The following HMG20A variants were observed in gnomAD, a reference collection of about 807,000 sequenced individuals.
The protein encoded by HMG20A is high mobility group protein 20A.
Under a neutral mutation model 43.9 loss-of-function variants are expected in HMG20A, and 17 were observed. The observed-to-expected ratio is 0.39, with a 90% CI of 0.27 to 0.58. HMG20A has a LOEUF of 0.58. Ranked by LOEUF, HMG20A falls within the 20% of genes least tolerant of loss-of-function variation. The pLI is 0.59. For missense variants in HMG20A, 341 were observed against 438.2 expected (o/e 0.78, Z 1.98); for synonymous variants, 132 against 147.5 (o/e 0.89, Z 0.76).
At chr15:77,492,654 TA>T in the HMG20A span, among the ~76,000 whole-genome samples, 6 of 149,844 alleles carry the variant, frequency 4.0e-5, no homozygotes, top group South Asian at 2.1e-4. Flanking sequence ...CTCATCTCTA[TA>T]AAAAAAAAAT....
At chr15:77,465,260 C>CAAAAAAAAAAAA (rs71145837) in intron 3 of HMG20A, among the ~76,000 whole-genome samples, 1 of 59,188 alleles carries the variant, frequency 1.7e-5, no homozygotes, top group Non-Finnish European at 2.7e-5. Flanking sequence ...GACTTCGTCT[C>CAAAAAAAAAAAA]AAAAAAAAAA....
At chr15:77,497,718 A>C in the HMG20A span, among the ~76,000 whole-genome samples, 1 of 150,216 alleles carries the variant, frequency 6.7e-6, no homozygotes, top group Admixed American at 6.6e-5. Context: ...TGTTGGTGAA[A>C]CGTAGGGTGG....
At chr15:77,503,333 T>A in the HMG20A span, among the ~76,000 whole-genome samples, 1 of 152,170 alleles carries the variant, frequency 6.6e-6, no homozygotes, top group Non-Finnish European at 1.5e-5. Flanking sequence ...TTCCTCAGTT[T>A]CATCATCTGT....
the HMG20A span, among the ~76,000 whole-genome samples, chr15:77,515,928 A>C: frequency 6.6e-6 from 1 of 152,212 alleles, no homozygotes; most frequent in African/African-American, 2.4e-5. Flanking sequence ...GGAGAAGAGG[A>C]GCCTGCAAGG....
the HMG20A span, among the ~76,000 whole-genome samples, chr15:77,509,357 C>G: frequency 2.0e-5 from 3 of 151,960 alleles, no homozygotes; most frequent in Non-Finnish European, 4.4e-5. Flanking sequence ...TGGGCTCAAG[C>G]AATCCTCCCA....
At chr15:77,506,051 C>T in the HMG20A span, among the ~76,000 whole-genome samples, 1 of 149,378 alleles carries the variant, frequency 6.7e-6, no homozygotes, top group Admixed American at 6.7e-5. Context: ...TCTACCCCCC[C>T]ACCTAGGGTT....
the HMG20A span, among the ~76,000 whole-genome samples, chr15:77,519,265 C>T: frequency 6.6e-6 from 1 of 152,230 alleles, no homozygotes; most frequent in South Asian, 2.1e-4. Flanking sequence ...CTTCTAAAAA[C>T]ACCTGTGCCC....
At chr15:77,459,860 C>G (rs992613867) in intron 2 of HMG20A, among the ~76,000 whole-genome samples, 4 of 152,182 alleles carry the variant, frequency 2.6e-5, no homozygotes, top group Admixed American at 2.0e-4. Flanking sequence ...TTCTAACAAG[C>G]TCCCAGAGAA....
At position 77,483,048 on chromosome 15, in the gene HMG20A, T is replaced by C; in HGVS notation, c.*85T>C. On this transcript the variant is annotated 3_prime_UTR_variant, in exon 10 of 10. Transcript: ENST00000336216. ...GCCATCCATGGAAATTTGAACTGAGTGGGGGCAGAGAAAGAGTGCAGATCC... is the reference window on the plus strand; with the variant it reads ...GCCATCCATGGAAATTTGAACTGAGCGGGGGCAGAGAAAGAGTGCAGATCC... The C allele has an allele frequency of 6.6e-6, 1 of 152,138 alleles. No homozygotes were observed. The highest frequency in any genetic ancestry group is 1.9e-4 in the East Asian group (1 of 5,202). The allele number at this position is 152,138 out of a possible 1,614,324, so 9.4% of individuals were successfully genotyped here.
chr15:77,495,321 G>A, the HMG20A span, among the ~76,000 whole-genome samples: 1,102 of 152,330 alleles, frequency 7.2e-3, 15 homozygotes, highest in African/African-American at 0.025. Flanking sequence ...GCTGAGGCGG[G>A]TGGATCACTT....
intron 6 of HMG20A, among the ~76,000 whole-genome samples, chr15:77,474,223 G>A (rs1170247266): frequency 1.3e-5 from 2 of 152,154 alleles, no homozygotes; most frequent in South Asian, 2.1e-4. Flanking sequence ...TTGAGCAGAG[G>A]TATGAGTAAG....
intron 1 of HMG20A, among the ~76,000 whole-genome samples, chr15:77,439,548 C>A (rs968592123): frequency 3.3e-5 from 5 of 152,074 alleles, no homozygotes; most frequent in Non-Finnish European, 5.9e-5. Context: ...TGAAATTCAT[C>A]CATGTTGCAT....
At chr15:77,462,724 A>G (rs546140291) in intron 2 of HMG20A, among the ~76,000 whole-genome samples, 6 of 149,736 alleles carry the variant, frequency 4.0e-5, no homozygotes, top group Non-Finnish European at 7.4e-5. Flanking sequence ...TCAATCAGTC[A>G]TTAAGTTCTC....
the HMG20A span, among the ~76,000 whole-genome samples, chr15:77,496,308 C>T: frequency 6.6e-6 from 1 of 152,132 alleles, no homozygotes; most frequent in East Asian, 1.9e-4. Flanking sequence ...TGTTGTTTGG[C>T]CAAGGGAAGT....
Position 77,470,788 on chromosome 15 carries a change from G to T in HMG20A, c.451-122G>T. 5 of 766,476 alleles carry T rather than the reference G, an allele frequency of 6.5e-6. No homozygotes were observed. The South Asian group carries it at 8.5e-5, about 13-fold the overall frequency. The allele number at this position is 766,476 out of a possible 1,614,324, so 47.5% of individuals were successfully genotyped here. On this transcript the variant is annotated intron_variant, in intron 4 of 9. Coordinates refer to ENST00000336216, the MANE Select transcript of HMG20A (RefSeq NM_001304504.2). ...CTTGTTTTTCTGATTCTTTTTTAAG[G>T]CATATTCCCTATATTCTTTTCTTCC...
At position 77,468,375 on chromosome 15, in the gene HMG20A, G is replaced by A. The variant is rs546527873; in HGVS notation, c.450+1068G>A. On this transcript the variant is annotated intron_variant, in intron 4 of 9. Transcript: ENST00000336216. ...CACTATTACGTAGGACAAAGGTTTT[G>A]TGTTTGTTTTTGTTTTTTTAACTTT... Among the ~76,000 whole-genome samples the A allele has an allele frequency of 5.3e-5, 8 of 152,064 alleles. No individual in the cohort carries two copies. In the South Asian group the frequency reaches 1.7e-3, roughly 32 times the overall value.
intron 1 of HMG20A, among the ~76,000 whole-genome samples, chr15:77,452,677 C>T (rs1186794689): frequency 6.6e-6 from 1 of 151,888 alleles, no homozygotes; most frequent in Non-Finnish European, 1.5e-5. Flanking sequence ...GGTAAATCTT[C>T]ACAACTTTGA....
At chr15:77,495,794 C>T in the HMG20A span, among the ~76,000 whole-genome samples, 3 of 152,222 alleles carry the variant, frequency 2.0e-5, no homozygotes, top group South Asian at 2.1e-4. Context: ...GTTTTTCATC[C>T]CCTAGAAGCC....
chr15:77,501,532 C>T, the HMG20A span, among the ~76,000 whole-genome samples: 28 of 152,332 alleles, frequency 1.8e-4, 1 homozygote, highest in South Asian at 2.1e-3. Context: ...CTCAGAGCTC[C>T]GACCTGGGTT....
Sources: gnomAD v4.1 joint callset for allele counts (sites outside exome capture counted in the v4.1 genomes callset) on GRCh38, gnomAD v4.1.1 for gene constraint, MANE v1.5 for transcripts, NCBI Gene and HGNC (gene_info 2026-07-23, HGNC 2026-07-21) for gene names.